The following MTIF2 variants were observed in gnomAD, a reference collection of about 807,000 sequenced individuals.
MTIF2 encodes translation initiation factor IF-2, mitochondrial.
In MTIF2, 71 loss-of-function variants were observed where a neutral mutation model predicts 83.5. The ratio of observed to expected loss-of-function variants is 0.85; its 90% confidence interval spans 0.70 to 1.04. MTIF2 has a LOEUF of 1.04. Among genes scored for constraint, MTIF2 ranks in the 50% least tolerant of loss-of-function variants. The probability of loss-of-function intolerance (pLI) is 0.00; values close to 1 mark genes in which losing one functional copy is unlikely to be tolerated. For synonymous variants in MTIF2, 319 were observed against 287.1 expected (o/e 1.11, Z -1.12); for missense variants, 957 against 846.5 (o/e 1.13, Z -1.62).
Position 55,263,804 on chromosome 2 carries a change from TATAAA to T in MTIF2, c.50_54del (p.Ile17LysfsTer49). The T allele has an allele frequency of 6.2e-7, 1 of 1,614,096 alleles. No homozygotes were observed. Among genetic ancestry groups the T allele is most frequent in the Non-Finnish European group, 8.5e-7 (1 of 1,180,036 alleles). On this transcript the variant is annotated frameshift_variant, in exon 4 of 16. Coordinates refer to ENST00000263629, the MANE Select transcript of MTIF2 (RefSeq NM_002453.3). LOFTEE classifies it high-confidence loss of function. ...CTTTGACACAGACTGTGCAGTTGCCTATAAATAGTGTGAAATCGTAGCAAGTTCTC... is the reference window on the plus strand; with the variant it reads ...CTTTGACACAGACTGTGCAGTTGCCTTAGTGTGAAATCGTAGCAAGTTCTC...
At position 55,252,684 on chromosome 2, in the gene MTIF2, G is replaced by T. The variant is rs186013718; in HGVS notation, c.665-31C>A. ...GAAACAGAAATTCAAGAACATCAAG[G>T]ATTCAAACATGTACTTCCTTAATAC... On this transcript the variant is annotated intron_variant, in intron 7 of 15. Coordinates refer to ENST00000263629, the MANE Select transcript of MTIF2 (RefSeq NM_002453.3). 17 of 1,562,328 alleles carry T rather than the reference G, an allele frequency of 1.1e-5. No homozygotes were observed. The East Asian group carries it at 3.4e-4, about 31-fold the overall frequency.
chr2:55,242,142 CAA>C (rs57923810), intron 13 of MTIF2, among the ~76,000 whole-genome samples: 39 of 88,534 alleles, frequency 4.4e-4, no homozygotes, highest in Non-Finnish European at 3.9e-4. Flanking sequence ...GCTCTGTCTC[CAA>C]AAAAAAAAAA....
intron 6 of MTIF2, 75 bp downstream of exon 6, chr2:55,254,579 T>C: frequency 7.9e-7 from 1 of 1,261,392 alleles, no homozygotes; most frequent in South Asian, 1.8e-5. Flanking sequence ...TTAAAGCAAA[T>C]CTTTCCATTA....
In MTIF2 at chr2:55,243,456, T is replaced by C. The variant is rs1244141612; in HGVS notation, c.1524A>G (p.Lys508=). ...AAAGTACATTTGAATCTCTTTCCCT[T>C]TTCTCTTTTGGCTTTAAGGGTATTT... ...KEQIPLKPKE[K]RERDSNVLSV... Residue 508 remains lysine, a synonymous_variant, in exon 12 of 16, where the codon AAA becomes AAG. Transcript: ENST00000263629. The C allele has an allele frequency of 6.2e-7, 1 of 1,612,128 alleles. No individual in the cohort carries two copies. Among genetic ancestry groups the C allele is most frequent in the Non-Finnish European group, 8.5e-7 (1 of 1,178,880 alleles).
chr2:55,262,541 CTTTTTTT>C (rs66500251), intron 4 of MTIF2, 114 bp from the exon 5 acceptor site: 38 of 285,198 alleles, frequency 1.3e-4, no homozygotes, highest in Non-Finnish European at 2.0e-4. Flanking sequence ...CTTTTTTTTT[CTTTTTTT>C]TTTTTTTTTT....
chr2:55,254,828 G>A lies in MTIF2; in HGVS notation c.332-3C>T. On this transcript the variant is annotated splice_polypyrimidine_tract_variant and splice_region_variant and intron_variant, in intron 5 of 15. Coordinates refer to ENST00000263629, the MANE Select transcript of MTIF2 (RefSeq NM_002453.3). ...CAATAAAGCTTCATATACATAATCT[G>A]ATTGGAATAAAATAAAACCTTTTAG... 1 of 1,540,530 alleles carries A rather than the reference G, an allele frequency of 6.5e-7. No individual in the cohort carries two copies. The highest frequency in any genetic ancestry group is 8.7e-7 in the Non-Finnish European group (1 of 1,146,566).
Position 55,242,987 on chromosome 2 carries a change from A to T in MTIF2, c.1658T>A (p.Val553Glu). ...ECELELVHFG[V>E]GDVSANDVNL... ...AACATCATTTGCACTTACATCACCCACTCCAAAATGTACTAATTCTAGTTC... is the reference window on the plus strand; with the variant it reads ...AACATCATTTGCACTTACATCACCCTCTCCAAAATGTACTAATTCTAGTTC... Residue 553 changes from valine to glutamate, a missense_variant, in exon 13 of 16, where the codon GTG becomes GAG. Val to Glu is a moderately radical substitution (Grantham distance 121). This residue lies in a region of MTIF2 where 733 missense variants were observed against 648.7 expected (regional missense o/e 1.13). Coordinates refer to ENST00000263629, the MANE Select transcript of MTIF2 (RefSeq NM_002453.3). 6.2e-7 allele frequency: 1 copy of T among 1,612,572 alleles called. No individual in the cohort carries two copies.
In MTIF2 at chr2:55,246,439, G is replaced by A. The variant is rs989478739; in HGVS notation, c.1004C>T (p.Ala335Val). 1.2e-6 allele frequency: 2 copies of A among 1,613,402 alleles called. No individual in the cohort carries two copies. The highest frequency in any genetic ancestry group is 8.5e-7 in the Non-Finnish European group (1 of 1,179,582). ...TTCTGCAAGAGCAACTGTTGCTTCT[G>A]CCAAAGCCATCAGATTATCGCCCTT... ...ALTGDNLMAL[A>V]EATVALAEML... The change falls in exon 10 of 16, where the codon GCA (alanine) becomes GTA (valine). Residue 335 changes from alanine (A) to valine (V), a missense_variant. By Grantham distance (64) the Ala-to-Val change is moderately conservative (BLOSUM62 0). Coordinates refer to ENST00000263629, the MANE Select transcript of MTIF2 (RefSeq NM_002453.3).
At chr2:55,246,564 CT>C (rs1676717650) in intron 9 of MTIF2, 103 bp from the exon 10 acceptor site, 1 of 939,726 alleles carries the variant, frequency 1.1e-6, no homozygotes. Context: ...TTATATTATA[CT>C]TTTCTCTTTA....
rs766878520 is a variant in MTIF2, at chr2:55,254,702, C to T, written c.455G>A (p.Ser152Asn). The T allele has an allele frequency of 4.4e-6, 7 of 1,608,804 alleles. No homozygotes were observed. In the South Asian group the frequency reaches 6.7e-5, roughly 15 times the overall value. ...TCTGACTTTGTCCTGTTTTAATTTA[C>T]TCCACTTTAACTTCATCCCTGCCTT... ...ITKAGMKLKW[S>N]KLKQDKVRKN... is the part of the protein sequence containing the mutation. Residue 152 changes from serine to asparagine, a missense_variant, in exon 6 of 16, where the codon AGT becomes AAT. Physicochemically the swap from Ser to Asn is conservative, Grantham distance 46. Transcript: ENST00000263629.
intron 5 of MTIF2, among the ~76,000 whole-genome samples, chr2:55,258,903 C>T (rs1049194448): frequency 2.6e-5 from 4 of 151,886 alleles, no homozygotes; most frequent in Non-Finnish European, 5.9e-5. Flanking sequence ...TTGCTTGAAC[C>T]TGAGAGGTGG....
intron 13 of MTIF2, among the ~76,000 whole-genome samples, chr2:55,242,516 T>A (rs1676399429): frequency 6.6e-6 from 1 of 152,114 alleles, no homozygotes; most frequent in East Asian, 1.9e-4. Context: ...TATAAAGTTA[T>A]CAATTACCAA....
chr2:55,255,489 A>C (rs1264305828), intron 5 of MTIF2, among the ~76,000 whole-genome samples: 2 of 147,272 alleles, frequency 1.4e-5, no homozygotes, highest in Admixed American at 6.9e-5. Context: ...ATATATAAAT[A>C]CATATATTAT....
At chr2:55,267,093 T>C (rs957951519) in intron 3 of MTIF2, among the ~76,000 whole-genome samples, 2 of 150,372 alleles carry the variant, frequency 1.3e-5, no homozygotes, top group African/African-American at 4.9e-5. Context: ...TCAACCAATC[T>C]TCCCAAAGTG....
At chr2:55,249,333 A>G in intron 9 of MTIF2, 62 bp downstream of exon 9, 1 of 1,571,818 alleles carries the variant, frequency 6.4e-7, no homozygotes, top group Non-Finnish European at 8.7e-7. Context: ...GATGTAATAT[A>G]CTGTGTGCAT....
At chr2:55,242,711 T>C (rs1336714650) in intron 13 of MTIF2, among the ~76,000 whole-genome samples, 1 of 152,104 alleles carries the variant, frequency 6.6e-6, no homozygotes, top group Non-Finnish European at 1.5e-5. Context: ...TGACCAGGTC[T>C]TGAAATAGTT....
chr2:55,254,757 C>A lies in MTIF2; in HGVS notation c.400G>T (p.Asp134Tyr). ...IDSLEADSHL[D>Y]EVWIKEVITK... is the part of the protein sequence containing the mutation. ...ATCACTTCTTTGATCCAGACTTCAT[C>A]TAAATGTGAGTCTGCTTCCAGTGAA... Residue 134 changes from aspartate (D) to tyrosine (Y), a missense_variant, in exon 6 of 16, where the codon GAT becomes TAT. By Grantham distance (160) the Asp-to-Tyr change is radical. This residue lies in a region of MTIF2 where 733 missense variants were observed against 648.7 expected (regional missense o/e 1.13). Transcript: ENST00000263629. 6.2e-7 allele frequency: 1 copy of A among 1,609,806 alleles called. No homozygotes were observed. Among genetic ancestry groups the A allele is most frequent in the Non-Finnish European group, 8.5e-7 (1 of 1,177,976 alleles).
chr2:55,256,602 G>C (rs1364955921), intron 5 of MTIF2, among the ~76,000 whole-genome samples: 2 of 151,832 alleles, frequency 1.3e-5, no homozygotes, highest in African/African-American at 4.8e-5. Context: ...CTACTCGGGA[G>C]GCTGAGGAGA....
At chr2:55,250,940 T>A (rs1677047262) in intron 8 of MTIF2, among the ~76,000 whole-genome samples, 1 of 151,902 alleles carries the variant, frequency 6.6e-6, no homozygotes, top group East Asian at 1.9e-4. Context: ...TAAAACCCCA[T>A]CTCTACTAAA....
Sources: gnomAD v4.1 joint callset for allele counts (sites outside exome capture counted in the v4.1 genomes callset) on GRCh38, gnomAD v4.1.1 for gene constraint, gnomAD v4.1.1 regional missense constraint, MANE v1.5 for transcripts, NCBI Gene and HGNC (gene_info 2026-07-23, HGNC 2026-07-21) for gene names.